The following FOXM1 variants were observed in gnomAD, a reference collection of about 807,000 sequenced individuals.
FOXM1 encodes the protein forkhead box M1, also known as forkhead box protein M1.
In FOXM1, 25 loss-of-function variants were observed where a neutral mutation model predicts 63.6. The ratio of observed to expected loss-of-function variants is 0.39; its 90% CI spans 0.29 to 0.55. The LOEUF is 0.55. FOXM1 is among the 20% of genes least tolerant of loss of function. FOXM1 has a pLI of 0.60. For missense variants in FOXM1, 879 were observed against 958.7 expected (o/e 0.92, Z 1.10); for synonymous variants, 387 against 376.9 (o/e 1.03, Z -0.31).
At chr12:2,859,813 C>A in intron 8 of FOXM1, 150 bp from the exon 9 acceptor site, 1 of 626,486 alleles carries the variant, frequency 1.6e-6, no homozygotes. Context: ...GTTGGTAGTT[C>A]AATTCTGGGG....
chr12:2,861,082 C>T (rs1264241045), intron 8 of FOXM1, among the ~76,000 whole-genome samples: 2 of 150,770 alleles, frequency 1.3e-5, no homozygotes, highest in African/African-American at 4.9e-5. Context: ...GCAGGAGAAT[C>T]GCTTGAACCC....
Position 2,864,011 on chromosome 12 carries a change from A to G in FOXM1, c.1266+309T>C, listed in dbSNP as rs913463164. On this transcript the variant is annotated intron_variant, in intron 8 of 8. Coordinates refer to ENST00000359843, the MANE Select transcript of FOXM1 (RefSeq NM_021953.4). This position sits in a 1 kb window ranked among gnomAD's most constrained non-coding sequence, Gnocchi z 5.1. ...TAAGCCACAGCGCCCGGCCAAATCC[A>G]TCTCTTTCTAAGGCCTGCCTCCCTT... is the stretch of plus-strand genomic sequence containing the variant. The G allele has an allele frequency of 7.8e-6, 2 of 255,536 alleles. No individual in the cohort carries two copies. Among genetic ancestry groups the G allele is most frequent in the Non-Finnish European group, 1.5e-5 (2 of 131,020 alleles). 15.8% of individuals were successfully genotyped at this position (255,536 alleles called of 1,614,324 possible).
intron 3 of FOXM1, among the ~76,000 whole-genome samples, chr12:2,869,159 C>T (rs28990698): frequency 0.012 from 1,840 of 152,254 alleles, 36 homozygotes; most frequent in African/African-American, 0.041. Context: ...TGTGAATAAA[C>T]GCATCTCATT....
At chr12:2,875,720 G>A (rs938579234) in intron 1 of FOXM1, among the ~76,000 whole-genome samples, 11 of 78,478 alleles carry the variant, frequency 1.4e-4, no homozygotes, top group East Asian at 3.5e-4. Flanking sequence ...AATGCTAACA[G>A]TGTAGTCTTT....
At chr12:2,861,841 T>C (rs981537163) in intron 8 of FOXM1, among the ~76,000 whole-genome samples, 1 of 152,200 alleles carries the variant, frequency 6.6e-6, no homozygotes, top group African/African-American at 2.4e-5. Flanking sequence ...GAATTAGGAC[T>C]ATGCCAAGTG....
intron 3 of FOXM1, among the ~76,000 whole-genome samples, chr12:2,869,877 A>C (rs2098129958): frequency 6.6e-6 from 1 of 150,724 alleles, no homozygotes; most frequent in Non-Finnish European, 1.5e-5. Context: ...GTCAGCCGCT[A>C]TGCCCGGTCT....
At chr12:2,870,735 T>TG (rs1391105826) in intron 3 of FOXM1, among the ~76,000 whole-genome samples, 10 of 149,846 alleles carry the variant, frequency 6.7e-5, no homozygotes, top group Non-Finnish European at 1.0e-4. Context: ...CCAAGGCAGG[T>TG]GGATCACGAG....
Position 2,864,808 on chromosome 12 carries a change from A to G in FOXM1, c.1021-56T>C, listed in dbSNP as rs1474766727. ...CCTATGTTAACACAATAAGGTAAAG[A>G]GGGGATGGCAAAACCCCACCAGCTG... On this transcript the variant is annotated intron_variant, in intron 6 of 8. Transcript: ENST00000359843. The surrounding 1 kb of genome is among the most constrained non-coding windows in gnomAD (Gnocchi z 5.1). The G allele has an allele frequency of 1.9e-6, 3 of 1,588,308 alleles. No individual in the cohort carries two copies. The highest frequency in any genetic ancestry group is 2.2e-5 in the East Asian group (1 of 44,728).
intron 1 of FOXM1, 69 bp downstream of exon 1, chr12:2,876,838 GCCCTGACCTCCGC>G (rs2098145452): frequency 6.5e-6 from 1 of 152,828 alleles, no homozygotes; most frequent in African/African-American, 2.4e-5. Context: ...GCTGCTAGAC[GCCCTGACCTCCGC>G]GCCCGGAGGC....
Position 2,864,664 on chromosome 12 carries a change from C to A in FOXM1, c.1090+19G>T. 1 of 1,613,316 alleles carries A rather than the reference C, an allele frequency of 6.2e-7. No individual in the cohort carries two copies. Among genetic ancestry groups the A allele is most frequent in the Non-Finnish European group, 8.5e-7 (1 of 1,179,276 alleles). On this transcript the variant is annotated intron_variant, in intron 7 of 8. Coordinates refer to ENST00000359843, the MANE Select transcript of FOXM1 (RefSeq NM_021953.4). The surrounding 1 kb of genome is among the most constrained non-coding windows in gnomAD (Gnocchi z 5.1). ...CCCAGAACAAGGACCAGGCCCAAGG[C>A]CCACTCTCCCATACTAACGTGCGCC...
In FOXM1 at chr12:2,872,900, A is replaced by G. The variant is rs2098135557; in HGVS notation, c.503-653T>C. 1.3e-5 allele frequency among the ~76,000 whole-genome samples: 2 copies of G among 151,972 alleles called. No homozygotes were observed. The highest frequency in any genetic ancestry group is 1.3e-4 in the Admixed American group (2 of 15,266). On this transcript the variant is annotated intron_variant, in intron 2 of 8. Transcript: ENST00000359843. The surrounding 1 kb of genome is among the most constrained non-coding windows in gnomAD (Gnocchi z 4.0). ...GACCCCATCTCTGCAAAAAGAAAAAAAAAATTAACTGGGAATGATGGTGCA... is the reference window on the plus strand; with the variant it reads ...GACCCCATCTCTGCAAAAAGAAAAAGAAAATTAACTGGGAATGATGGTGCA...
At position 2,859,244 on chromosome 12, in the gene FOXM1, G is replaced by A; in HGVS notation, c.1686C>T (p.Phe562=). Residue 562 remains phenylalanine, a synonymous_variant, in exon 9 of 9, where the codon TTC becomes TTT. Coordinates refer to ENST00000359843, the MANE Select transcript of FOXM1 (RefSeq NM_021953.4). ...AGCGGGAAGTACTGGGCCCCTCTGA[G>A]AAGAGCAGCTCCGGCTCATCCACAC... ...PPCVDEPELL[F]SEGPSTSRWA... 1 of 1,613,804 alleles carries A rather than the reference G, an allele frequency of 6.2e-7. No homozygotes were observed. Among genetic ancestry groups the A allele is most frequent in the African/African-American group, 1.3e-5 (1 of 75,016 alleles).
intron 1 of FOXM1, among the ~76,000 whole-genome samples, chr12:2,875,726 T>TG (rs2098141579): frequency 2.3e-4 from 1 of 4,290 alleles, no homozygotes; most frequent in Non-Finnish European, 4.8e-4. Context: ...AACAGTGTAG[T>TG]CTTTTTTTTT....
At chr12:2,871,525 C>G (rs905347037) in intron 3 of FOXM1, among the ~76,000 whole-genome samples, 2 of 151,944 alleles carry the variant, frequency 1.3e-5, no homozygotes, top group African/African-American at 4.8e-5. Flanking sequence ...ATGCACCAAG[C>G]TGGCAAGTCC....
At chr12:2,861,124 C>T (rs1409162796) in intron 8 of FOXM1, among the ~76,000 whole-genome samples, 23 of 150,536 alleles carry the variant, frequency 1.5e-4, no homozygotes, top group South Asian at 2.1e-4. Context: ...GCTGAGATCA[C>T]GCCACTGCAC....
rs2098104590 is a variant in FOXM1, at chr12:2,859,495, C to G, written c.1435G>C (p.Val479Leu). ...EMPHLARPIK[V>L]ESPPLEEWPS... is the part of the protein sequence containing the mutation. Reference sequence around the variant, plus strand: ...CACTCTTCCAAGGGAGGGCTCTCCACTTTGATGGGTCTCGCTAAGTGTGGC... The same window carrying G: ...CACTCTTCCAAGGGAGGGCTCTCCAGTTTGATGGGTCTCGCTAAGTGTGGC... The change falls in exon 9 of 9, where the codon GTG (valine) becomes CTG (leucine). Residue 479 changes from valine to leucine, a missense_variant. Val to Leu is a conservative substitution (Grantham distance 32). Around this residue, in one of 4 missense-constraint regions of FOXM1, gnomAD observed 486 missense variants for 453.5 expected, o/e 1.07. Transcript: ENST00000359843. 6 of 1,614,026 alleles carry G rather than the reference C, an allele frequency of 3.7e-6. No individual in the cohort carries two copies. In the East Asian group the frequency reaches 1.1e-4, roughly 30 times the overall value.
chr12:2,867,151 T>TCAAA (rs1005289884), intron 4 of FOXM1, among the ~76,000 whole-genome samples: 1 of 151,762 alleles, frequency 6.6e-6, no homozygotes, highest in Non-Finnish European at 1.5e-5. Context: ...AGGCCCCGTC[T>TCAAA]CAAACAAACA....
chr12:2,867,900 C>A (rs1050893585), intron 4 of FOXM1, among the ~76,000 whole-genome samples: 3 of 149,998 alleles, frequency 2.0e-5, no homozygotes, highest in Admixed American at 6.7e-5. Context: ...ATCGCTTGAA[C>A]CTTGGAGGCG....
intron 2 of FOXM1, among the ~76,000 whole-genome samples, chr12:2,873,040 C>T (rs777929447): frequency 6.6e-6 from 1 of 152,082 alleles, no homozygotes; most frequent in African/African-American, 2.4e-5. Context: ...GGTGACAGTG[C>T]GAGACCGCAT....
Sources: gnomAD v4.1 joint callset for allele counts (sites outside exome capture counted in the v4.1 genomes callset) on GRCh38, gnomAD v4.1.1 for gene constraint, gnomAD v4.1.1 regional missense constraint, Gnocchi (gnomAD v3.1) non-coding constraint, MANE v1.5 for transcripts, NCBI Gene and HGNC (gene_info 2026-07-23, HGNC 2026-07-21) for gene names.